Variants in PABPC4L observed in about 807,000 individuals in gnomAD.
PABPC4L encodes the protein poly(A) binding protein cytoplasmic 4 like.
For synonymous variants in PABPC4L, 169 were observed against 164.1 expected, an observed-to-expected ratio of 1.03 and a Z score of -0.23; for missense variants, 452 against 451.4, an observed-to-expected ratio of 1.00 and a Z score of -0.01.
the PABPC4L span, among the ~76,000 whole-genome samples, chr4:134,132,946 T>A: frequency 6.9e-6 from 1 of 144,042 alleles, no homozygotes; most frequent in Non-Finnish European, 1.5e-5. Context: ...TATATAAACA[T>A]TATGTAGAAT....
chr4:134,101,449 G>A, the PABPC4L span, among the ~76,000 whole-genome samples: 1 of 151,344 alleles, frequency 6.6e-6, no homozygotes. Context: ...TCTGATGCAC[G>A]AAAGATGTTT....
the PABPC4L span, among the ~76,000 whole-genome samples, chr4:134,018,794 T>A: frequency 6.6e-6 from 1 of 152,130 alleles, no homozygotes; most frequent in African/African-American, 2.4e-5. Flanking sequence ...AATTAATTGA[T>A]GATTATGAGT....
the PABPC4L span, among the ~76,000 whole-genome samples, chr4:134,028,529 C>T: frequency 6.6e-6 from 1 of 151,418 alleles, no homozygotes; most frequent in East Asian, 1.9e-4. Context: ...TAGCTGACTT[C>T]TTGACTAGGT....
At chr4:134,119,925 C>T in the PABPC4L span, among the ~76,000 whole-genome samples, 1 of 151,642 alleles carries the variant, frequency 6.6e-6, no homozygotes, top group Admixed American at 6.6e-5. Flanking sequence ...TTCATTGCTG[C>T]ACTCTGAGTG....
the PABPC4L span, among the ~76,000 whole-genome samples, chr4:133,965,210 C>T: frequency 1.3e-5 from 2 of 151,958 alleles, no homozygotes; most frequent in South Asian, 2.1e-4. Context: ...GAACTCAAGC[C>T]CTTTTACAAT....
chr4:133,989,090 C>G, the PABPC4L span, among the ~76,000 whole-genome samples: 1 of 152,060 alleles, frequency 6.6e-6, no homozygotes, highest in East Asian at 1.9e-4. Flanking sequence ...AGTTCCTGGG[C>G]CCAGTCCATG....
At position 134,198,607 on chromosome 4, in the gene PABPC4L, T is replaced by C. The variant is rs1729740469; in HGVS notation, c.*1300A>G. The C allele has an allele frequency of 6.6e-6, 1 of 151,868 alleles. No individual in the cohort carries two copies. 9.4% of individuals were successfully genotyped at this position (151,868 alleles called of 1,614,324 possible). A position where few individuals can be genotyped will look rare whatever the true frequency, so the allele number is the denominator to read the frequency against. On this transcript the variant is annotated 3_prime_UTR_variant, in exon 2 of 2. Coordinates refer to ENST00000421491, the MANE Select transcript of PABPC4L (RefSeq NM_001114734.2). ...GCACTTGCTTGCTAGATACCTTTGG[T>C]ATGAATCAGAATTTGTAAAGCAATT...
At chr4:133,983,889 GT>G in the PABPC4L span, among the ~76,000 whole-genome samples, 431 of 151,870 alleles carry the variant, frequency 2.8e-3, 1 homozygote, top group Middle Eastern at 0.017. Flanking sequence ...ACTTAAGGGT[GT>G]TTTTGGAATA....
At chr4:133,951,306 G>T in the PABPC4L span, among the ~76,000 whole-genome samples, 4 of 152,072 alleles carry the variant, frequency 2.6e-5, no homozygotes, top group African/African-American at 9.7e-5. Context: ...TTTTCCATAA[G>T]AAACTGGCTG....
the PABPC4L span, among the ~76,000 whole-genome samples, chr4:134,155,205 G>A: frequency 2.0e-5 from 3 of 151,938 alleles, no homozygotes; most frequent in Non-Finnish European, 4.4e-5. Context: ...GGGCCTGAAA[G>A]CTATGTAAAA....
the PABPC4L span, among the ~76,000 whole-genome samples, chr4:134,002,056 T>C: frequency 6.6e-6 from 1 of 152,004 alleles, no homozygotes; most frequent in South Asian, 2.1e-4. Flanking sequence ...TAATAAAATA[T>C]TGGTGTTTCA....
chr4:134,085,000 C>T, the PABPC4L span, among the ~76,000 whole-genome samples: 3 of 151,974 alleles, frequency 2.0e-5, no homozygotes, highest in Non-Finnish European at 2.9e-5. Context: ...GATTGAATAC[C>T]AAGTCCCCAC....
At chr4:134,084,073 G>T in the PABPC4L span, among the ~76,000 whole-genome samples, 4 of 151,914 alleles carry the variant, frequency 2.6e-5, no homozygotes, top group Non-Finnish European at 5.9e-5. Context: ...TTTTGAGACA[G>T]GGTCTTGCTC....
the PABPC4L span, among the ~76,000 whole-genome samples, chr4:134,011,291 A>C: frequency 6.6e-6 from 1 of 152,112 alleles, no homozygotes; most frequent in Non-Finnish European, 1.5e-5. Context: ...GATGGCTACC[A>C]TCAGGAAATT....
downstream of PABPC4L, among the ~76,000 whole-genome samples, chr4:134,192,623 T>A (rs1202347452): frequency 1.3e-5 from 2 of 152,122 alleles, no homozygotes; most frequent in African/African-American, 4.8e-5. Context: ...CCCAAATGTT[T>A]ATTCATGGTG....
At chr4:133,961,674 G>A in the PABPC4L span, among the ~76,000 whole-genome samples, 1 of 152,054 alleles carries the variant, frequency 6.6e-6, no homozygotes, top group East Asian at 1.9e-4. Flanking sequence ...CACTCTTCTG[G>A]TCTGTGTTTG....
At chr4:134,104,697 C>G in the PABPC4L span, among the ~76,000 whole-genome samples, 1 of 151,622 alleles carries the variant, frequency 6.6e-6, no homozygotes, top group South Asian at 2.1e-4. Flanking sequence ...TTTAGTTATC[C>G]TTTTCTCAGG....
At chr4:134,038,931 A>G in the PABPC4L span, among the ~76,000 whole-genome samples, 1 of 152,006 alleles carries the variant, frequency 6.6e-6, no homozygotes, top group Non-Finnish European at 1.5e-5. Flanking sequence ...TCGATTTTAG[A>G]TCTTTGCTGC....
the PABPC4L span, among the ~76,000 whole-genome samples, chr4:133,998,845 A>C: frequency 6.6e-6 from 1 of 151,802 alleles, no homozygotes; most frequent in Non-Finnish European, 1.5e-5. Context: ...AATTCATTTG[A>C]ATGTTTTAAT....
Sources: gnomAD v4.1 joint callset for allele counts (sites outside exome capture counted in the v4.1 genomes callset) on GRCh38, gnomAD v4.1.1 for gene constraint, MANE v1.5 for transcripts, NCBI Gene and HGNC (gene_info 2026-07-23, HGNC 2026-07-21) for gene names.